Variants in TSHZ2 observed in about 807,000 individuals in gnomAD.
TSHZ2 encodes the protein teashirt homolog 2.
TSHZ2 carries 21 observed loss-of-function variants against 74.4 expected under a neutral mutation model. The ratio of observed to expected loss-of-function variants is 0.28; its 90% CI spans 0.20 to 0.41. The LOEUF (loss-of-function observed/expected upper bound fraction) is 0.41, where lower values mean the gene tolerates loss of function less well. Ranked by LOEUF, TSHZ2 falls within the 10% of genes least tolerant of loss-of-function variation. The pLI is 1.00. For synonymous variants in TSHZ2, 540 were observed against 515.3 expected, an observed-to-expected ratio of 1.05 and a Z score of -0.65; for missense variants, 1,244 against 1,293.5, an observed-to-expected ratio of 0.96 and a Z score of 0.59.
intron 2 of TSHZ2, among the ~76,000 whole-genome samples, chr20:53,381,891 T>C (rs1369563790): frequency 3.3e-5 from 5 of 152,240 alleles, no homozygotes; most frequent in African/African-American, 1.2e-4. Context: ...GTCCCATGTC[T>C]CTGTCCCTTT....
At chr20:53,224,873 A>G (rs1989647522) in intron 1 of TSHZ2, among the ~76,000 whole-genome samples, 1 of 151,610 alleles carries the variant, frequency 6.6e-6, no homozygotes, top group Admixed American at 6.6e-5. Context: ...AAAAAAAAGA[A>G]CTTAATAAAT....
At chr20:53,194,321 G>T (rs1028316170) in intron 1 of TSHZ2, among the ~76,000 whole-genome samples, 10 of 152,322 alleles carry the variant, frequency 6.6e-5, no homozygotes, top group East Asian at 3.9e-4. Context: ...CACGAGGTAG[G>T]ATCTCCCAGC....
At chr20:53,061,785 T>G (rs930868322) in intron 1 of TSHZ2, among the ~76,000 whole-genome samples, 3 of 152,232 alleles carry the variant, frequency 2.0e-5, no homozygotes, top group African/African-American at 7.2e-5. Flanking sequence ...ACATGTTTTT[T>G]ATGTATGATT....
chr20:53,105,363 G>A (rs529669844), intron 1 of TSHZ2, among the ~76,000 whole-genome samples: 12 of 152,240 alleles, frequency 7.9e-5, no homozygotes, highest in Admixed American at 1.3e-4. Context: ...AATGTTTAGC[G>A]GCATCCCAGG....
At chr20:53,406,627 A>G (rs1348282905) in intron 2 of TSHZ2, among the ~76,000 whole-genome samples, 2 of 152,186 alleles carry the variant, frequency 1.3e-5, no homozygotes, top group African/African-American at 4.8e-5. Context: ...TTGAACAAAT[A>G]TATCATATCT....
chr20:53,074,279 A>G lies in TSHZ2; in HGVS notation c.40+100946A>G, dbSNP rs1343753466. 6.6e-6 allele frequency among the ~76,000 whole-genome samples: 1 copy of G among 152,208 alleles called. No individual in the cohort carries two copies. The highest frequency in any genetic ancestry group is 1.5e-5 in the Non-Finnish European group (1 of 68,032). ...TCACAATACCCTGTATTGTACTTGG[A>G]AATAGAAGTTACCACATTGCTGAAA... On this transcript the variant is annotated intron_variant, in intron 1 of 2. Coordinates refer to ENST00000371497, the MANE Select transcript of TSHZ2 (RefSeq NM_173485.6). The surrounding 1 kb of genome is among the most constrained non-coding windows in gnomAD (Gnocchi z 5.9).
intron 1 of TSHZ2, among the ~76,000 whole-genome samples, chr20:53,251,145 T>C (rs1048555175): frequency 5.9e-5 from 9 of 152,224 alleles, no homozygotes; most frequent in African/African-American, 2.2e-4. Flanking sequence ...TACTTGCTTC[T>C]TTGTTGCTGT....
At chr20:53,249,644 G>T (rs1990280679) in intron 1 of TSHZ2, among the ~76,000 whole-genome samples, 1 of 152,172 alleles carries the variant, frequency 6.6e-6, no homozygotes. Flanking sequence ...ATCTGCAAAG[G>T]CAGAAAGCCT....
chr20:53,328,860 T>C (rs964952018), intron 2 of TSHZ2, among the ~76,000 whole-genome samples: 5 of 152,252 alleles, frequency 3.3e-5, no homozygotes, highest in African/African-American at 7.2e-5. Context: ...TTTAATTGCA[T>C]GTTTAAAGCC....
In TSHZ2 at chr20:53,427,827, A is replaced by AG. The variant is rs1236524327; in HGVS notation, c.*9-59316dup. ...TGCATCCTGACTTCCAAGAACTTCA[A>AG]GCATGTTAAGAAAGGGATGGAAGGC... On this transcript the variant is annotated intron_variant, in intron 2 of 2. Transcript: ENST00000371497. Among the ~76,000 whole-genome samples, 3 of 152,152 alleles carry AG rather than the reference A, an allele frequency of 2.0e-5. No homozygotes were observed. In the South Asian group the frequency reaches 6.2e-4, roughly 32 times the overall value.
intron 2 of TSHZ2, among the ~76,000 whole-genome samples, chr20:53,316,072 A>C (rs1979003176): frequency 6.6e-6 from 1 of 152,226 alleles, no homozygotes; most frequent in Admixed American, 6.5e-5. Flanking sequence ...GCCAGGATGA[A>C]GATGTGTGTG....
chr20:52,997,494 G>A (rs1436358577), intron 1 of TSHZ2, among the ~76,000 whole-genome samples: 1 of 152,102 alleles, frequency 6.6e-6, no homozygotes, highest in Non-Finnish European at 1.5e-5. Context: ...TCAATCCCAT[G>A]GGTGGCTATT....
Position 53,070,604 on chromosome 20 carries a change from C to T in TSHZ2, c.40+97271C>T, listed in dbSNP as rs148367037. ...CACAAGTCAATACATTACTCCTTCA[C>T]ACTTAAACATTGATTACCAAGAGGC... On this transcript the variant is annotated intron_variant, in intron 1 of 2. Coordinates refer to ENST00000371497, the MANE Select transcript of TSHZ2 (RefSeq NM_173485.6). 5.9e-5 allele frequency among the ~76,000 whole-genome samples: 9 copies of T among 152,294 alleles called. No individual in the cohort carries two copies. The East Asian group carries it at 1.5e-3, about 26-fold the overall frequency.
intron 2 of TSHZ2, among the ~76,000 whole-genome samples, chr20:53,466,821 T>C (rs1419117179): frequency 1.3e-5 from 2 of 152,250 alleles, no homozygotes; most frequent in Non-Finnish European, 2.9e-5. Flanking sequence ...ATTTATCTTT[T>C]GAAAGGATGG....
At chr20:52,994,946 C>G (rs1471720094) in intron 1 of TSHZ2, among the ~76,000 whole-genome samples, 2 of 152,154 alleles carry the variant, frequency 1.3e-5, no homozygotes, top group South Asian at 2.1e-4. Flanking sequence ...AGCAGGTAGA[C>G]TATTATTCCT....
intron 2 of TSHZ2, among the ~76,000 whole-genome samples, chr20:53,272,178 AT>A (rs1379108051): frequency 1.3e-5 from 2 of 152,050 alleles, no homozygotes; most frequent in African/African-American, 4.8e-5. Context: ...CACCTGGCTA[AT>A]TTTTGTATAT....
At chr20:53,064,658 T>C (rs1329255083) in intron 1 of TSHZ2, among the ~76,000 whole-genome samples, 1 of 138,066 alleles carries the variant, frequency 7.2e-6, no homozygotes, top group Non-Finnish European at 1.5e-5. Flanking sequence ...AATAACTTTT[T>C]AAATAAATAA....
At position 53,473,207 on chromosome 20, in the gene TSHZ2, CACAG is replaced by C. The variant is rs544185374; in HGVS notation, c.*9-13933_*9-13930del. ...GTAGGCTCCACCTCTGGGGGCAGGG[CACAG>C]ACAAACAAAAAGACAGCAGTAACCT... On this transcript the variant is annotated intron_variant, in intron 2 of 2. Coordinates refer to ENST00000371497, the MANE Select transcript of TSHZ2 (RefSeq NM_173485.6). Among the ~76,000 whole-genome samples, 1,053 of 145,286 alleles carry C rather than the reference CACAG, an allele frequency of 7.2e-3. 15 individuals carry two copies. Among genetic ancestry groups the C allele is most frequent in the African/African-American group, 0.026 (997 of 37,996 alleles).
In TSHZ2 at chr20:53,115,072, G is replaced by T. The variant is rs1600698145; in HGVS notation, c.41-138427G>T. Among the ~76,000 whole-genome samples the T allele has an allele frequency of 2.6e-5, 4 of 152,260 alleles. No homozygotes were observed. The South Asian group carries it at 8.3e-4, about 32-fold the overall frequency. ...CGCATTTGGGTGGCCCCCTTACCTT[G>T]TCAGGCTTCCTCATTTGTTCATTCC... On this transcript the variant is annotated intron_variant, in intron 1 of 2. Transcript: ENST00000371497.
Sources: allele counts gnomAD v4.1 joint callset (sites outside exome capture counted in the v4.1 genomes callset), GRCh38; gene constraint gnomAD v4.1.1; non-coding constraint Gnocchi (gnomAD v3.1); transcripts MANE v1.5; gene names NCBI Gene and HGNC (gene_info 2026-07-23, HGNC 2026-07-21).